B3GALT1: variants seen among roughly 807,000 people sequenced by gnomAD.
B3GALT1 encodes beta-1,3-galactosyltransferase 1.
Under a neutral mutation model 23.2 loss-of-function variants are expected in B3GALT1, and 10 were observed. The ratio of observed to expected loss-of-function variants is 0.43; its 90% CI spans 0.27 to 0.73. B3GALT1 has a LOEUF of 0.73. Among genes scored for constraint, B3GALT1 ranks in the 30% least tolerant of loss-of-function variants. The pLI, the probability that B3GALT1 is intolerant of heterozygous loss-of-function variation, is 0.21. For synonymous variants in B3GALT1, 156 were observed against 141.5 expected (o/e 1.10, Z -0.73); for missense variants, 299 against 405.4 (o/e 0.74, Z 2.25).
intron 3 of B3GALT1, among the ~76,000 whole-genome samples, chr2:167,726,381 C>A (rs796602879): frequency 1.3e-5 from 2 of 152,314 alleles, no homozygotes; most frequent in Non-Finnish European, 2.9e-5. Context: ...CCACCTGCCC[C>A]TTGTCCAGGC....
At chr2:167,836,086 A>C (rs1252087976) in intron 4 of B3GALT1, among the ~76,000 whole-genome samples, 2 of 152,176 alleles carry the variant, frequency 1.3e-5, no homozygotes, top group Non-Finnish European at 2.9e-5. Context: ...TGGGGAAAAA[A>C]CAGAGCAGAA....
intron 1 of B3GALT1, among the ~76,000 whole-genome samples, chr2:167,302,952 T>G (rs1051533358): frequency 1.8e-4 from 27 of 152,206 alleles, no homozygotes; most frequent in African/African-American, 5.5e-4. Flanking sequence ...ATAAATGGAA[T>G]TTTTCTAAAA....
rs201859045 is a variant in B3GALT1, at chr2:167,686,817, ATTC to A, written c.-352+39855_-352+39857del. On this transcript the variant is annotated intron_variant, in intron 3 of 4. Coordinates refer to ENST00000392690, the MANE Select transcript of B3GALT1 (RefSeq NM_020981.4). Reference sequence around the variant, plus strand: ...AAGCCTAAACTTGTGGGTACTGACTATTCTTCACGTAGAGCCACTGCTTTCTCT... The same window carrying A: ...AAGCCTAAACTTGTGGGTACTGACTATTCACGTAGAGCCACTGCTTTCTCT... 7.7e-3 allele frequency among the ~76,000 whole-genome samples: 1,173 copies of A among 152,296 alleles called. 19 individuals are homozygous for A. The highest frequency in any genetic ancestry group is 0.027 in the African/African-American group (1,107 of 41,570).
At chr2:167,600,866 C>T (rs1230320721) in intron 2 of B3GALT1, among the ~76,000 whole-genome samples, 2 of 151,406 alleles carry the variant, frequency 1.3e-5, no homozygotes, top group Non-Finnish European at 2.9e-5. Context: ...TTTATCAACA[C>T]TCATTTACAA....
At chr2:167,621,000 T>G (rs1347207308) in intron 2 of B3GALT1, among the ~76,000 whole-genome samples, 2 of 151,964 alleles carry the variant, frequency 1.3e-5, no homozygotes, top group African/African-American at 4.8e-5. Flanking sequence ...TCTTTCATTT[T>G]CATAGTAGAG....
chr2:167,863,301 G>A (rs1247890648), intron 4 of B3GALT1, among the ~76,000 whole-genome samples: 1 of 152,060 alleles, frequency 6.6e-6, no homozygotes, highest in Non-Finnish European at 1.5e-5. Flanking sequence ...TATTTCTTTA[G>A]AAGAATGGAT....
chr2:167,685,589 A>C (rs980188934), intron 3 of B3GALT1, among the ~76,000 whole-genome samples: 5 of 152,194 alleles, frequency 3.3e-5, no homozygotes, highest in African/African-American at 1.2e-4. Context: ...AAGGAGCCTG[A>C]CATATTTAAA....
intron 3 of B3GALT1, among the ~76,000 whole-genome samples, chr2:167,717,015 A>G (rs1687155480): frequency 6.6e-6 from 1 of 152,176 alleles, no homozygotes; most frequent in Admixed American, 6.5e-5. Flanking sequence ...GAATAACACT[A>G]GACAATGCTG....
intron 2 of B3GALT1, among the ~76,000 whole-genome samples, chr2:167,576,594 G>A (rs189741624): frequency 3.5e-4 from 50 of 142,446 alleles, no homozygotes; most frequent in African/African-American, 1.2e-3. Context: ...CAGGGCAAAA[G>A]CCTTAGCAAA....
At chr2:167,631,374 T>A (rs1239900849) in intron 2 of B3GALT1, 2 of 151,904 alleles carry the variant, frequency 1.3e-5, no homozygotes, top group East Asian at 3.9e-4. Flanking sequence ...CATATTCAGA[T>A]ACCTGCTCTT....
intron 3 of B3GALT1, among the ~76,000 whole-genome samples, chr2:167,792,400 A>G (rs1688452373): frequency 6.6e-6 from 1 of 152,224 alleles, no homozygotes; most frequent in Middle Eastern, 3.2e-3. Context: ...ATTACAAACA[A>G]ATACCAAGGA....
intron 2 of B3GALT1, among the ~76,000 whole-genome samples, chr2:167,596,423 C>CCAAACA (rs1684775614): frequency 6.6e-6 from 1 of 152,186 alleles, no homozygotes; most frequent in African/African-American, 2.4e-5. Flanking sequence ...CACAATTCTA[C>CCAAACA]CATTTATTAA....
Position 167,595,545 on chromosome 2 carries a change from T to C in B3GALT1, c.-409-51364T>C, listed in dbSNP as rs531503660. ...AAATAATCTACTCTTCATTCTGTTT[T>C]ACATTTTTTAAATAAAATGGAGAAT... On this transcript the variant is annotated intron_variant, in intron 2 of 4. Coordinates refer to ENST00000392690, the MANE Select transcript of B3GALT1 (RefSeq NM_020981.4). Among the ~76,000 whole-genome samples the C allele has an allele frequency of 2.9e-4, 44 of 152,324 alleles. 1 individual carries two copies. The highest frequency in any genetic ancestry group is 1.0e-3 in the South Asian group (5 of 4,826).
chr2:167,328,624 TATTA>T (rs1295252250), intron 1 of B3GALT1, among the ~76,000 whole-genome samples: 4 of 152,118 alleles, frequency 2.6e-5, no homozygotes, highest in Admixed American at 2.0e-4. Context: ...GCTAATGGTT[TATTA>T]ATTTTATCTT....
intron 3 of B3GALT1, among the ~76,000 whole-genome samples, chr2:167,742,680 A>G (rs1558965397): frequency 6.6e-6 from 1 of 152,140 alleles, no homozygotes; most frequent in Admixed American, 6.6e-5. Flanking sequence ...TTTTTTAAGT[A>G]TGAGCACAGA....
chr2:167,772,040 G>C (rs2105309488), intron 3 of B3GALT1, among the ~76,000 whole-genome samples: 1 of 152,268 alleles, frequency 6.6e-6, no homozygotes, highest in Non-Finnish European at 1.5e-5. Flanking sequence ...TGAACTAAGA[G>C]GATTTTTCTA....
chr2:167,744,275 A>G (rs1465211479), intron 3 of B3GALT1, among the ~76,000 whole-genome samples: 1 of 152,142 alleles, frequency 6.6e-6, no homozygotes, highest in Admixed American at 6.6e-5. Flanking sequence ...CATCATTTTT[A>G]TCTGCTTCAT....
At chr2:167,687,353 T>C (rs1299203930) in intron 3 of B3GALT1, among the ~76,000 whole-genome samples, 1 of 152,170 alleles carries the variant, frequency 6.6e-6, no homozygotes, top group Non-Finnish European at 1.5e-5. Context: ...AGCGAACATA[T>C]TTAAGTGAAG....
chr2:167,600,090 G>A (rs1031983589), intron 2 of B3GALT1, among the ~76,000 whole-genome samples: 1 of 152,014 alleles, frequency 6.6e-6, no homozygotes, highest in Non-Finnish European at 1.5e-5. Flanking sequence ...TTCTGATGGA[G>A]ACAGCCCATT....
Sources: gnomAD v4.1 joint callset for allele counts (sites outside exome capture counted in the v4.1 genomes callset) on GRCh38, gnomAD v4.1.1 for gene constraint, MANE v1.5 for transcripts, NCBI Gene and HGNC (gene_info 2026-07-23, HGNC 2026-07-21) for gene names.